PLIN3: variants seen among roughly 807,000 people sequenced by gnomAD.
PLIN3 encodes the protein perilipin-3.
In PLIN3, 30 loss-of-function variants were observed where a neutral mutation model predicts 35.9. That is an observed-to-expected ratio of 0.84 (90% CI 0.62 to 1.13). The LOEUF is 1.13. PLIN3 is among the 50% of genes most tolerant of loss of function. The pLI is 0.00. For synonymous variants in PLIN3, 261 were observed against 262.5 expected (o/e 0.99, Z 0.06); for missense variants, 603 against 596.9 (o/e 1.01, Z -0.11).
At chr19:4,840,483 G>C (rs985188770) in intron 7 of PLIN3, among the ~76,000 whole-genome samples, 3 of 152,052 alleles carry the variant, frequency 2.0e-5, no homozygotes, top group Admixed American at 2.0e-4. Flanking sequence ...AAACTCCTGG[G>C]CCCAAGTGAC....
intron 1 of PLIN3, chr19:4,867,192 T>TG (rs1467653770): frequency 6.6e-6 from 1 of 152,100 alleles, no homozygotes; most frequent in African/African-American, 2.4e-5. Flanking sequence ...GGCTTTGCGG[T>TG]GGCGGGGGGT....
chr19:4,850,174 G>A (rs548746088), intron 5 of PLIN3, among the ~76,000 whole-genome samples: 2 of 151,566 alleles, frequency 1.3e-5, no homozygotes, highest in Non-Finnish European at 2.9e-5. Flanking sequence ...TCGAACTCCC[G>A]ACCTCAACCT....
chr19:4,864,657 C>G (rs1053917503), intron 1 of PLIN3, among the ~76,000 whole-genome samples: 45 of 152,082 alleles, frequency 3.0e-4, no homozygotes, highest in African/African-American at 1.0e-3. Flanking sequence ...AACATGCCTG[C>G]CTGCACCGCA....
At chr19:4,861,281 A>C (rs1398693427) in intron 2 of PLIN3, 48 bp downstream of exon 2, 1 of 1,545,164 alleles carries the variant, frequency 6.5e-7, no homozygotes, top group Admixed American at 1.7e-5. Context: ...GCCTCCTTGC[A>C]CGGGAATCAC....
intron 4 of PLIN3, among the ~76,000 whole-genome samples, chr19:4,855,615 A>G (rs939460990): frequency 1.3e-5 from 2 of 151,966 alleles, no homozygotes; most frequent in African/African-American, 4.8e-5. Flanking sequence ...TGTTTCTGAG[A>G]TGGAGTCTCG....
chr19:4,847,105 G>A (rs904380619), intron 6 of PLIN3, among the ~76,000 whole-genome samples: 2 of 151,748 alleles, frequency 1.3e-5, no homozygotes, highest in African/African-American at 4.8e-5. Flanking sequence ...GGCCAGGCTG[G>A]TCTTGAACTC....
At chr19:4,859,502 A>C in intron 4 of PLIN3, 88 bp downstream of exon 4, 1 of 1,108,758 alleles carries the variant, frequency 9.0e-7, no homozygotes, top group Non-Finnish European at 1.4e-6. Context: ...GGATGCCATC[A>C]AGCTTGTCTA....
In PLIN3 at chr19:4,851,614, C is replaced by T. The variant is rs12982947; in HGVS notation, c.634+402G>A. Among the ~76,000 whole-genome samples, 608 of 151,904 alleles carry T rather than the reference C, an allele frequency of 4.0e-3. 2 individuals carry two copies. Among genetic ancestry groups the T allele is most frequent in the Non-Finnish European group, 4.6e-3 (314 of 67,972 alleles). On this transcript the variant is annotated intron_variant, in intron 5 of 7. Transcript: ENST00000221957. ...TTCAGTGAGATCTCAAGTTTAGTCACGTATTTATGCAGGAGCGGAGTGGCG... is the reference window on the plus strand; with the variant it reads ...TTCAGTGAGATCTCAAGTTTAGTCATGTATTTATGCAGGAGCGGAGTGGCG...
chr19:4,849,228 C>A (rs1176574426), intron 5 of PLIN3, among the ~76,000 whole-genome samples: 1 of 152,082 alleles, frequency 6.6e-6, no homozygotes, highest in East Asian at 1.9e-4. Context: ...TCGCCTCAGA[C>A]TCCCAAAGTG....
Position 4,859,855 on chromosome 19 carries a change from T to C in PLIN3, c.236A>G (p.Gln79Arg). ...TLTAAAVSGA[Q>R]PILSKLEPQI... The stretch of plus-strand genomic sequence containing the variant: ...GGGCTCCAGCTTGGAGAGGATCGGC[T>C]GAGCCCCGCTGACAGCAGCCGCCGT... The change falls in exon 3 of 8, where the codon CAG becomes CGG. Residue 79 changes from glutamine to arginine, a missense_variant. Coordinates refer to ENST00000221957, the MANE Select transcript of PLIN3 (RefSeq NM_005817.5). The C allele has an allele frequency of 6.2e-7, 1 of 1,613,038 alleles. No individual in the cohort carries two copies.
chr19:4,853,934 T>C lies in PLIN3; in HGVS notation c.349-1633A>G, dbSNP rs566949702. 9.0e-3 allele frequency among the ~76,000 whole-genome samples: 1,355 copies of C among 149,744 alleles called. 22 individuals carry two copies. Among genetic ancestry groups the C allele is most frequent in the African/African-American group, 0.03 (1,250 of 41,010 alleles). On this transcript the variant is annotated intron_variant, in intron 4 of 7. Coordinates refer to ENST00000221957, the MANE Select transcript of PLIN3 (RefSeq NM_005817.5). The stretch of plus-strand genomic sequence containing the variant: ...CCTGCTGTTCTCGAATCTAAGTCTT[T>C]TTTTTTTTTTTCTTTTGAGACAGGG...
chr19:4,864,240 C>T (rs775649286), intron 1 of PLIN3, among the ~76,000 whole-genome samples: 1 of 151,410 alleles, frequency 6.6e-6, no homozygotes, highest in Non-Finnish European at 1.5e-5. Flanking sequence ...GTAACCTCCG[C>T]CTTCTGGGTT....
chr19:4,859,778 G>A (rs1292432632), intron 3 of PLIN3, 48 bp downstream of exon 3: 1 of 1,606,954 alleles, frequency 6.2e-7, no homozygotes, highest in Non-Finnish European at 8.5e-7. Context: ...TCCCCACCCA[G>A]GGAAATGACC....
chr19:4,857,009 C>A (rs1056921251), intron 4 of PLIN3, among the ~76,000 whole-genome samples: 1 of 151,994 alleles, frequency 6.6e-6, no homozygotes, highest in African/African-American at 2.4e-5. Context: ...CTGGTCTGTG[C>A]CTCATTTTTT....
rs149727406 is a variant in PLIN3 at position 4,847,742 on chromosome 19, G to C, written c.783C>G (p.Thr261=). The part of the protein sequence containing the change: ...YEHSLGKLRA[T]KQRAQEALLQ... The stretch of plus-strand genomic sequence containing the variant: ...GCAGAGCCTCCTGTGCCCTCTGCTT[G>C]GTGGCTCGAAGCTTGCCCAGCGAGT... The change falls in exon 6 of 8, where the codon ACC becomes ACG. Residue 261 remains threonine (T), a synonymous_variant. Transcript: ENST00000221957. 6 of 1,612,092 alleles carry C rather than the reference G, an allele frequency of 3.7e-6. No homozygotes were observed. The highest frequency in any genetic ancestry group is 4.2e-6 in the Non-Finnish European group (5 of 1,179,374).
chr19:4,864,454 TG>T (rs66709819), intron 1 of PLIN3, among the ~76,000 whole-genome samples: 14,317 of 139,670 alleles, frequency 0.1, 801 homozygotes, highest in South Asian at 0.21. Context: ...AGCCGTGGTT[TG>T]TTTTTTTTTT....
chr19:4,863,761 G>A (rs1212342657), intron 1 of PLIN3, among the ~76,000 whole-genome samples: 1 of 151,110 alleles, frequency 6.6e-6, no homozygotes, highest in Non-Finnish European at 1.5e-5. Context: ...CCAGGAGGTG[G>A]AGGTTGCAGT....
At chr19:4,853,055 G>A (rs1215762960) in intron 4 of PLIN3, among the ~76,000 whole-genome samples, 12 of 151,578 alleles carry the variant, frequency 7.9e-5, no homozygotes, top group Admixed American at 7.2e-4. Context: ...CTAGTGATCC[G>A]CCCACCTCAG....
rs753453574 is a variant in PLIN3, at chr19:4,839,312, G to T, written c.1185C>A (p.Ala395=). 1.2e-6 allele frequency: 2 copies of T among 1,614,026 alleles called. No homozygotes were observed. The highest frequency in any genetic ancestry group is 2.2e-5 in the South Asian group (2 of 91,082). The part of the protein sequence containing the change: ...SILAQSRERV[A]SAREALDHMV... ...TGTGGTCCAGGGCCTCGCGGGCGCT[G>T]GCGACACGCTCACGGCTCTGGGCCA... Residue 395 remains alanine (A), a synonymous_variant, in exon 8 of 8, where the codon GCC becomes GCA. Coordinates refer to ENST00000221957, the MANE Select transcript of PLIN3 (RefSeq NM_005817.5).
Sources: allele counts gnomAD v4.1 joint callset (sites outside exome capture counted in the v4.1 genomes callset), GRCh38; gene constraint gnomAD v4.1.1; transcripts MANE v1.5; gene names NCBI Gene and HGNC (gene_info 2026-07-23, HGNC 2026-07-21).